Variants in SLC35F3 observed in about 807,000 individuals in gnomAD.
SLC35F3 encodes the protein solute carrier family 35 member F3, also known as putative thiamine transporter SLC35F3.
SLC35F3 carries 25 observed loss-of-function variants against 49.9 expected under a neutral mutation model. The observed-to-expected ratio is 0.50, with a 90% CI of 0.37 to 0.70. The LOEUF (loss-of-function observed/expected upper bound fraction) is 0.70. SLC35F3 is among the 30% of genes least tolerant of loss of function. The pLI is 0.00. For missense variants in SLC35F3, 525 were observed against 639.8 expected (o/e 0.82, Z 1.94); for synonymous variants, 275 against 265.4 (o/e 1.04, Z -0.35).
chr1:233,931,861 C>T (rs1662247908), intron 2 of SLC35F3, among the ~76,000 whole-genome samples: 2 of 152,162 alleles, frequency 1.3e-5, no homozygotes, highest in South Asian at 4.1e-4. Context: ...TATTGCAGCA[C>T]TATTCACAAT....
intron 2 of SLC35F3, among the ~76,000 whole-genome samples, chr1:234,181,160 C>G (rs1407605326): frequency 2.0e-5 from 3 of 150,438 alleles, no homozygotes; most frequent in Admixed American, 2.0e-4. Flanking sequence ...TGGCAAAATC[C>G]TCTGTCTACA....
chr1:234,075,073 G>T (rs12750467), intron 2 of SLC35F3, among the ~76,000 whole-genome samples: 1 of 152,074 alleles, frequency 6.6e-6, no homozygotes, highest in Non-Finnish European at 1.5e-5. Context: ...AATTTTACAT[G>T]GTAGTGAGAT....
At chr1:234,188,636 G>T (rs1181250385) in intron 2 of SLC35F3, among the ~76,000 whole-genome samples, 1 of 152,038 alleles carries the variant, frequency 6.6e-6, no homozygotes, top group African/African-American at 2.4e-5. Flanking sequence ...AAAACAAAGG[G>T]CATATTCTCT....
At chr1:234,031,924 C>A (rs1664068543) in intron 2 of SLC35F3, among the ~76,000 whole-genome samples, 1 of 152,184 alleles carries the variant, frequency 6.6e-6, no homozygotes, top group African/African-American at 2.4e-5. Flanking sequence ...GTATTATGGA[C>A]AAATACATGA....
At chr1:234,286,226 G>T (rs181813322) in intron 3 of SLC35F3, among the ~76,000 whole-genome samples, 1 of 152,318 alleles carries the variant, frequency 6.6e-6, no homozygotes, top group East Asian at 1.9e-4. Context: ...GAGGTGATAA[G>T]GGCAGAATTC....
intron 2 of SLC35F3, among the ~76,000 whole-genome samples, chr1:234,049,973 T>C (rs1358910538): frequency 6.6e-6 from 1 of 152,216 alleles, no homozygotes; most frequent in East Asian, 1.9e-4. Context: ...GAACTCATCC[T>C]TTTTTATGGC....
intron 2 of SLC35F3, among the ~76,000 whole-genome samples, chr1:234,060,226 A>G (rs1382067756): frequency 6.6e-6 from 1 of 152,172 alleles, no homozygotes; most frequent in African/African-American, 2.4e-5. Flanking sequence ...TGTGTAGAGT[A>G]TCCTATAGAT....
intron 2 of SLC35F3, among the ~76,000 whole-genome samples, chr1:234,070,720 T>G (rs1664700010): frequency 6.6e-6 from 1 of 150,660 alleles, no homozygotes; most frequent in Admixed American, 6.6e-5. Context: ...CTTTTTCTGT[T>G]TTTCCATATT....
chr1:234,018,152 A>G (rs1335978185), intron 2 of SLC35F3, among the ~76,000 whole-genome samples: 3 of 152,194 alleles, frequency 2.0e-5, no homozygotes, highest in African/African-American at 7.2e-5. Flanking sequence ...AATGTCTGTG[A>G]AAACGCCGTG....
In SLC35F3 at chr1:234,214,509, A is replaced by C; in HGVS notation, c.284-16908A>C. On this transcript the variant is annotated intron_variant, in intron 2 of 7. Transcript: ENST00000366618. The surrounding 1 kb of genome is among the most constrained non-coding windows in gnomAD (Gnocchi z 8.0). ...GGCGGCCGGCTCATCATGAAGAAGC[A>C]CTCGGCCCGGGTGGCCCCGCTCAGC... The C allele has an allele frequency of 2.6e-6, 4 of 1,542,932 alleles. No individual in the cohort carries two copies. Among genetic ancestry groups the C allele is most frequent in the Non-Finnish European group, 3.5e-6 (4 of 1,146,736 alleles).
intron 2 of SLC35F3, among the ~76,000 whole-genome samples, chr1:234,001,781 C>G (rs912578421): frequency 2.6e-5 from 4 of 152,206 alleles, no homozygotes; most frequent in African/African-American, 9.6e-5. Context: ...ACTCTGCATC[C>G]TACTATGTGT....
chr1:233,921,273 A>G (rs1662053578), intron 2 of SLC35F3, among the ~76,000 whole-genome samples: 1 of 152,222 alleles, frequency 6.6e-6, no homozygotes, highest in Admixed American at 6.5e-5. Context: ...AATTGAGCAG[A>G]AAGTACAGAG....
chr1:234,219,055 C>CAAAAAAA (rs60342594), intron 2 of SLC35F3, among the ~76,000 whole-genome samples: 27 of 55,268 alleles, frequency 4.9e-4, no homozygotes, highest in Middle Eastern at 0.012. Flanking sequence ...GACTCCATCT[C>CAAAAAAA]AAAAAAAAAA....
chr1:234,140,588 C>G (rs1665900073), intron 2 of SLC35F3, among the ~76,000 whole-genome samples: 1 of 152,170 alleles, frequency 6.6e-6, no homozygotes, highest in Non-Finnish European at 1.5e-5. Flanking sequence ...ATCCTCTGAT[C>G]TGCTTCTCCC....
intron 2 of SLC35F3, among the ~76,000 whole-genome samples, chr1:234,056,723 A>G (rs1330965350): frequency 2.0e-5 from 3 of 152,206 alleles, no homozygotes; most frequent in African/African-American, 7.2e-5. Context: ...TGTCCTATCT[A>G]AGAATCCATT....
intron 2 of SLC35F3, among the ~76,000 whole-genome samples, chr1:234,143,288 C>CTTTTCTTTTCTTTTTTTTTTTTT (rs1478216426): frequency 8.1e-6 from 1 of 123,562 alleles, no homozygotes; most frequent in East Asian, 3.1e-4. Context: ...CTTTTCTTTT[C>CTTTTCTTTTCTTTTTTTTTTTTT]TTTTTTTTTT....
At chr1:234,145,625 T>A (rs1460665483) in intron 2 of SLC35F3, among the ~76,000 whole-genome samples, 1 of 152,164 alleles carries the variant, frequency 6.6e-6, no homozygotes, top group African/African-American at 2.4e-5. Context: ...CTTTTTTTTC[T>A]TGTCATTATT....
intron 2 of SLC35F3, among the ~76,000 whole-genome samples, chr1:234,179,180 A>G (rs183446341): frequency 6.6e-6 from 1 of 152,288 alleles, no homozygotes; most frequent in Non-Finnish European, 1.5e-5. Context: ...ACCTGAGTAG[A>G]ATAGAACTCC....
At chr1:233,928,126 G>A (rs932563457) in intron 2 of SLC35F3, among the ~76,000 whole-genome samples, 4 of 152,018 alleles carry the variant, frequency 2.6e-5, no homozygotes, top group African/African-American at 9.7e-5. Flanking sequence ...ATAAGCCCTA[G>A]CCCTCTGCTT....
Sources: gnomAD v4.1 joint callset for allele counts (sites outside exome capture counted in the v4.1 genomes callset) on GRCh38, gnomAD v4.1.1 for gene constraint, Gnocchi (gnomAD v3.1) non-coding constraint, MANE v1.5 for transcripts, NCBI Gene and HGNC (gene_info 2026-07-23, HGNC 2026-07-21) for gene names.